FBXL5: variants seen among roughly 807,000 people sequenced by gnomAD.
The protein encoded by FBXL5 is F-box/LRR-repeat protein 5.
FBXL5 carries 26 observed loss-of-function variants against 78.3 expected under a neutral mutation model. That is an observed-to-expected ratio of 0.33 (90% CI 0.24 to 0.46). The LOEUF is 0.46. FBXL5 is among the 20% of genes least tolerant of loss of function. FBXL5 has a pLI of 1.00. For missense variants in FBXL5, 710 were observed against 829.2 expected, an observed-to-expected ratio of 0.86 and a Z score of 1.77; for synonymous variants, 295 against 282.5, an observed-to-expected ratio of 1.04 and a Z score of -0.45.
intron 1 of FBXL5, among the ~76,000 whole-genome samples, chr4:15,654,505 A>C (rs1161952638): frequency 6.6e-6 from 1 of 152,226 alleles, no homozygotes; most frequent in Non-Finnish European, 1.5e-5. Context: ...GAAATCCAAG[A>C]GAGAATTGCT....
chr4:15,636,233 T>A (rs954694415), intron 5 of FBXL5: 1 of 322,796 alleles, frequency 3.1e-6, no homozygotes, highest in Non-Finnish European at 5.7e-6. Flanking sequence ...TCAATAATTA[T>A]CAATTTTGTC....
intron 9 of FBXL5, among the ~76,000 whole-genome samples, chr4:15,623,249 C>A (rs935687203): frequency 6.6e-6 from 1 of 151,618 alleles, no homozygotes; most frequent in East Asian, 1.9e-4. Context: ...GCAAAAAAAA[C>A]AAAATTTTGA....
intron 1 of FBXL5, among the ~76,000 whole-genome samples, chr4:15,651,164 G>A (rs371628513): frequency 4.6e-5 from 7 of 152,264 alleles, no homozygotes; most frequent in African/African-American, 1.4e-4. Flanking sequence ...ACTCAGTGAA[G>A]AAACCTTAGT....
At chr4:15,610,917 A>C (rs1243952406) in intron 10 of FBXL5, among the ~76,000 whole-genome samples, 1 of 152,144 alleles carries the variant, frequency 6.6e-6, no homozygotes, top group Non-Finnish European at 1.5e-5. Flanking sequence ...ATAGCACTAA[A>C]CCTACAATAA....
chr4:15,673,466 T>C (rs1717847531), intron 1 of FBXL5, among the ~76,000 whole-genome samples: 1 of 151,794 alleles, frequency 6.6e-6, no homozygotes, highest in Admixed American at 6.6e-5. Flanking sequence ...AAAATAAGGA[T>C]AAATGTATCA....
At chr4:15,610,522 A>G (rs1190087218) in intron 10 of FBXL5, among the ~76,000 whole-genome samples, 1 of 152,154 alleles carries the variant, frequency 6.6e-6, no homozygotes, top group Non-Finnish European at 1.5e-5. Flanking sequence ...TTTACATTCA[A>G]CAAAAGGAAT....
chr4:15,655,392 C>G, upstream of FBXL5: 3 of 1,039,930 alleles, frequency 2.9e-6, no homozygotes, highest in Non-Finnish European at 3.5e-6. Flanking sequence ...TGCGCCCGCC[C>G]CGTCGGCGCG....
At chr4:15,662,274 C>T (rs142105239), upstream of FBXL5, among the ~76,000 whole-genome samples, 319 of 150,438 alleles carry the variant, frequency 2.1e-3, 5 homozygotes, top group African/African-American at 7.5e-3. Context: ...GCTCCTTCCA[C>T]GGCTCTACCA....
chr4:15,625,637 C>T lies in FBXL5; in HGVS notation c.1465G>A (p.Asp489Asn). The part of the protein sequence containing the change: ...VWMLDAEDLA[D>N]IEDTVEWRHR... ...CTCCATTCCACAGTATCTTCAATAT[C>T]AGCCAAATCTTCAGCATCTAACATC... is the stretch of plus-strand genomic sequence containing the variant. The change falls in exon 9 of 11, where the codon GAT (aspartate) becomes AAT (asparagine). Residue 489 changes from aspartate to asparagine, a missense_variant. Around this residue, in one of 4 missense-constraint regions of FBXL5, gnomAD observed 517 missense variants for 542.9 expected, o/e 0.95. Transcript: ENST00000341285. The T allele has an allele frequency of 6.2e-7, 1 of 1,614,184 alleles. No individual in the cohort carries two copies. The highest frequency in any genetic ancestry group is 8.5e-7 in the Non-Finnish European group (1 of 1,180,030).
At chr4:15,644,272 T>C (rs55963737) in intron 2 of FBXL5, among the ~76,000 whole-genome samples, 2 of 152,160 alleles carry the variant, frequency 1.3e-5, no homozygotes, top group African/African-American at 2.4e-5. Context: ...TCCCTACTTG[T>C]CCTTACTGTA....
chr4:15,652,496 C>T (rs1179027797), intron 1 of FBXL5, among the ~76,000 whole-genome samples: 3 of 152,072 alleles, frequency 2.0e-5, no homozygotes, highest in Non-Finnish European at 4.4e-5. Context: ...AAACTTTTTA[C>T]AGATGTAAAA....
At chr4:15,674,122 T>C (rs1717873040) in intron 1 of FBXL5, among the ~76,000 whole-genome samples, 1 of 152,152 alleles carries the variant, frequency 6.6e-6, no homozygotes, top group Admixed American at 6.5e-5. Context: ...TGAGTTATGC[T>C]TGGTGCCTGC....
intron 9 of FBXL5, among the ~76,000 whole-genome samples, chr4:15,615,874 G>A (rs568058675): frequency 8.9e-4 from 136 of 152,182 alleles, no homozygotes; most frequent in African/African-American, 2.9e-3. Context: ...TTGGCAACCC[G>A]CTCAGGTCCC....
At chr4:15,620,331 CTT>C (rs1471313323) in intron 9 of FBXL5, among the ~76,000 whole-genome samples, 3 of 151,896 alleles carry the variant, frequency 2.0e-5, no homozygotes, top group Non-Finnish European at 4.4e-5. Context: ...GGTTAAAAGA[CTT>C]AATACTGTTG....
At chr4:15,662,506 A>G (rs150735443), upstream of FBXL5, among the ~76,000 whole-genome samples, 300 of 152,306 alleles carry the variant, frequency 2.0e-3, 5 homozygotes, top group Non-Finnish European at 8.8e-4. Flanking sequence ...ATATTGCTAT[A>G]TACATTAAAT....
chr4:15,655,333 T>C lies in FBXL5; in HGVS notation c.-46A>G. 2 of 1,332,122 alleles carry C rather than the reference T, an allele frequency of 1.5e-6. No homozygotes were observed. The highest frequency in any genetic ancestry group is 2.0e-6 in the Non-Finnish European group (2 of 1,012,680). The allele number at this position is 1,332,122 out of a possible 1,614,324, so 82.5% of individuals were successfully genotyped here. ...CCTCAGCAGCCGCGGCCGCCGCCTC[T>C]CCATAGACACCCTCGCCGCGGGGCA... On this transcript the variant is annotated 5_prime_UTR_variant, in exon 1 of 11. Transcript: ENST00000341285.
intron 1 of FBXL5, among the ~76,000 whole-genome samples, chr4:15,667,577 T>A (rs1211602589): frequency 2.0e-5 from 3 of 152,070 alleles, no homozygotes; most frequent in African/African-American, 7.2e-5. Flanking sequence ...AAACAGGAGA[T>A]CTTTTTAATA....
chr4:15,612,467 G>T, intron 9 of FBXL5, 53 bp from the exon 10 acceptor site: 1 of 1,499,076 alleles, frequency 6.7e-7, no homozygotes, highest in Non-Finnish European at 9.0e-7. Context: ...AAAAATGTTT[G>T]TATTCCTATG....
chr4:15,610,702 TC>T (rs1372565156), intron 10 of FBXL5, among the ~76,000 whole-genome samples: 1 of 151,776 alleles, frequency 6.6e-6, no homozygotes, highest in Non-Finnish European at 1.5e-5. Flanking sequence ...TGAAACCCAG[TC>T]CCCTCCCTCT....
Sources: allele counts gnomAD v4.1 joint callset (sites outside exome capture counted in the v4.1 genomes callset), GRCh38; gene constraint gnomAD v4.1.1; regional missense constraint gnomAD v4.1.1; transcripts MANE v1.5; gene names NCBI Gene and HGNC (gene_info 2026-07-23, HGNC 2026-07-21).